The following ARHGEF7 variants were observed in gnomAD, a reference collection of about 807,000 sequenced individuals.
The protein encoded by ARHGEF7 is PAK-interacting exchange factor beta.
A neutral mutation model predicts 109.8 loss-of-function variants in ARHGEF7; 33 were observed. The ratio of observed to expected loss-of-function variants is 0.30; its 90% CI spans 0.23 to 0.40. The LOEUF is 0.40. ARHGEF7 is among the 10% of genes least tolerant of loss of function. The pLI is 1.00. For synonymous variants in ARHGEF7, 458 were observed against 424.6 expected (o/e 1.08, Z -0.97); for missense variants, 938 against 1,098.5 (o/e 0.85, Z 2.07).
intron 2 of ARHGEF7, among the ~76,000 whole-genome samples, chr13:111,179,081 C>CTTCTTTT (rs1555355342): frequency 3.4e-5 from 3 of 89,524 alleles, no homozygotes; most frequent in East Asian, 7.3e-4. Flanking sequence ...AATGCCTGTT[C>CTTCTTTT]TTTTTTTTTT....
intron 1 of ARHGEF7, among the ~76,000 whole-genome samples, chr13:111,150,306 A>T (rs773464224): frequency 6.6e-6 from 1 of 152,154 alleles, no homozygotes; most frequent in African/African-American, 2.4e-5. Flanking sequence ...TTCTATTCTG[A>T]TATTTTGGCT....
intron 2 of ARHGEF7, chr13:111,203,091 G>C (rs1164811692): frequency 1.6e-6 from 2 of 1,283,968 alleles, no homozygotes; most frequent in Non-Finnish European, 2.0e-6. Context: ...TCTGGGTTTT[G>C]TGACTTGCTG....
intron 6 of ARHGEF7, among the ~76,000 whole-genome samples, chr13:111,236,389 C>A (rs1342454777): frequency 6.6e-6 from 1 of 152,090 alleles, no homozygotes; most frequent in East Asian, 1.9e-4. Context: ...GTCACACTTT[C>A]TTGCATGTCC....
chr13:111,205,412 A>T, intron 3 of ARHGEF7, 39 bp downstream of exon 3: 2 of 1,433,548 alleles, frequency 1.4e-6, no homozygotes, highest in Non-Finnish European at 1.9e-6. Context: ...GGGTGGGAAG[A>T]CATACGGGCT....
At position 111,131,813 on chromosome 13, in the gene ARHGEF7, G is replaced by T. The variant is rs2074769141; in HGVS notation, c.165+16122G>T. Among the ~76,000 whole-genome samples the T allele has an allele frequency of 6.6e-6, 1 of 152,194 alleles. No individual in the cohort carries two copies. The highest frequency in any genetic ancestry group is 6.5e-5 in the Admixed American group (1 of 15,278). ...TATTCCTAGCTGTTCTAGGACAACT[G>T]GCCAGCACACACCCAGAGCCCACAT... is the stretch of plus-strand genomic sequence containing the variant. On this transcript the variant is annotated intron_variant, in intron 1 of 21. Transcript: ENST00000646102. This position sits in a 1 kb window ranked among gnomAD's most constrained non-coding sequence, Gnocchi z 4.4.
intron 2 of ARHGEF7, among the ~76,000 whole-genome samples, chr13:111,177,772 G>A (rs149724279): frequency 2.0e-5 from 3 of 152,334 alleles, no homozygotes; most frequent in East Asian, 3.9e-4. Flanking sequence ...ATTAGCTCAC[G>A]TGCATTTTTC....
chr13:111,176,185 AG>A (rs2078144270), intron 2 of ARHGEF7, among the ~76,000 whole-genome samples: 1 of 152,164 alleles, frequency 6.6e-6, no homozygotes, highest in South Asian at 2.1e-4. Flanking sequence ...CCCCTTCTGT[AG>A]GTTGATGGAA....
chr13:111,193,604 T>C (rs1319212374), intron 2 of ARHGEF7, among the ~76,000 whole-genome samples: 4 of 152,256 alleles, frequency 2.6e-5, no homozygotes, highest in African/African-American at 9.6e-5. Context: ...ACATTTATTC[T>C]TTTTCCCTTT....
intron 5 of ARHGEF7, among the ~76,000 whole-genome samples, 189 bp from the exon 6 acceptor site, chr13:111,233,016 T>A (rs780349207): frequency 9.9e-5 from 15 of 152,082 alleles, no homozygotes; most frequent in Non-Finnish European, 1.9e-4. Context: ...TTGGCCTTGG[T>A]GAGCCGAGCC....
chr13:111,282,391 G>A (rs1244349940), intron 15 of ARHGEF7, among the ~76,000 whole-genome samples: 1 of 152,192 alleles, frequency 6.6e-6, no homozygotes, highest in East Asian at 1.9e-4. Context: ...CATTGTGATG[G>A]AATATTTTGG....
chr13:111,280,706 A>G (rs766399308), intron 15 of ARHGEF7, 29 bp downstream of exon 15: 4 of 1,492,710 alleles, frequency 2.7e-6, no homozygotes, highest in Non-Finnish European at 3.6e-6. Context: ...TCCTCCTTCC[A>G]GACTCCAGGC....
At chr13:111,193,236 C>T (rs2080110631) in intron 2 of ARHGEF7, among the ~76,000 whole-genome samples, 1 of 152,232 alleles carries the variant, frequency 6.6e-6, no homozygotes, top group Admixed American at 6.5e-5. Flanking sequence ...CCGTGAAAGT[C>T]CCCATTCTGT....
At chr13:111,120,732 C>T (rs1294987809) in intron 1 of ARHGEF7, among the ~76,000 whole-genome samples, 1 of 152,218 alleles carries the variant, frequency 6.6e-6, no homozygotes, top group African/African-American at 2.4e-5. Context: ...CCTTTCTATA[C>T]ATCTTAAAAG....
intron 1 of ARHGEF7, among the ~76,000 whole-genome samples, chr13:111,150,298 C>G (rs770749134): frequency 2.6e-5 from 4 of 152,198 alleles, no homozygotes; most frequent in Non-Finnish European, 2.9e-5. Context: ...AGGCAGAATT[C>G]TATTCTGATA....
At chr13:111,139,113 G>A (rs1252417941) in intron 1 of ARHGEF7, among the ~76,000 whole-genome samples, 1 of 152,184 alleles carries the variant, frequency 6.6e-6, no homozygotes, top group Admixed American at 6.5e-5. Context: ...TAGAATAATG[G>A]AAATAAAACA....
At chr13:111,209,840 GCTCT>G (rs2082285847) in intron 3 of ARHGEF7, 28 bp from the exon 4 acceptor site, 1 of 1,607,450 alleles carries the variant, frequency 6.2e-7, no homozygotes, top group South Asian at 1.1e-5. Context: ...GGCGCTCTCA[GCTCT>G]CTTTTTCTGT....
chr13:111,294,617 A>G (rs1053421126), intron 19 of ARHGEF7: 2 of 985,256 alleles, frequency 2.0e-6, no homozygotes, highest in Admixed American at 1.2e-4. Flanking sequence ...AGCTTTTGTG[A>G]TCTGGTTAAG....
intron 2 of ARHGEF7, chr13:111,203,117 G>A: frequency 7.8e-7 from 1 of 1,277,868 alleles, no homozygotes. Flanking sequence ...CCACTATGAA[G>A]GTTAGTAGAA....
In ARHGEF7 at chr13:111,131,893, G is replaced by A. The variant is rs1400169090; in HGVS notation, c.165+16202G>A. ...GAAGAGGGGGCTGGGAGGGAGCCTG[G>A]CAGTCGCAGAGGGGAGTGGAAATGT... On this transcript the variant is annotated intron_variant, in intron 1 of 21. Coordinates refer to ENST00000646102, the MANE Select transcript of ARHGEF7 (RefSeq NM_001354046.2). The surrounding 1 kb of genome is among the most constrained non-coding windows in gnomAD (Gnocchi z 4.4). 6.6e-6 allele frequency among the ~76,000 whole-genome samples: 1 copy of A among 152,202 alleles called. No homozygotes were observed. Among genetic ancestry groups the A allele is most frequent in the Non-Finnish European group, 1.5e-5 (1 of 68,040 alleles).
Sources: gnomAD v4.1 joint callset for allele counts (sites outside exome capture counted in the v4.1 genomes callset) on GRCh38, gnomAD v4.1.1 for gene constraint, Gnocchi (gnomAD v3.1) non-coding constraint, MANE v1.5 for transcripts, NCBI Gene and HGNC (gene_info 2026-07-23, HGNC 2026-07-21) for gene names.